HDAC8: variants seen among roughly 807,000 people sequenced by gnomAD.
HDAC8 encodes the protein histone deacetylase-like 1.
In HDAC8, 1 loss-of-function variant was observed where a neutral mutation model predicts 32.2. The observed-to-expected ratio is 0.03, with a 90% CI of 0.01 to 0.15. HDAC8 has a LOEUF of 0.15. Ranked by LOEUF, HDAC8 falls within the 10% of genes least tolerant of loss-of-function variation. The pLI is 1.00. For synonymous variants in HDAC8, 108 were observed against 113.9 expected (o/e 0.95, Z 0.33); for missense variants, 117 against 300.0 (o/e 0.39, Z 4.51).
chrX:72,364,501 T>C (rs2044643021), intron 9 of HDAC8, among the ~76,000 whole-genome samples: 1 of 111,996 alleles, frequency 8.9e-6, no homozygotes, highest in Non-Finnish European at 1.9e-5. Context: ...GCATAATGTG[T>C]TCCAAGTAGA....
intron 4 of HDAC8, among the ~76,000 whole-genome samples, chrX:72,549,667 T>C (rs1245851266): frequency 8.9e-6 from 1 of 111,852 alleles, no homozygotes; most frequent in Non-Finnish European, 1.9e-5. Context: ...CACATGAATC[T>C]TCACCCCATA....
chrX:72,405,867 G>A (rs1230480817), intron 9 of HDAC8, among the ~76,000 whole-genome samples: 7 of 111,542 alleles, frequency 6.3e-5, no homozygotes, highest in Non-Finnish European at 1.3e-4. Context: ...GTCAATTACT[G>A]TATTTTTCAT....
At chrX:72,447,365 A>G (rs1335458699) in intron 9 of HDAC8, among the ~76,000 whole-genome samples, 5 of 112,259 alleles carry the variant, frequency 4.5e-5, no homozygotes, top group Non-Finnish European at 7.5e-5. Context: ...GATGCAGAAA[A>G]GGCCTCTGAT....
At chrX:72,537,559 A>G (rs1221563260) in intron 4 of HDAC8, among the ~76,000 whole-genome samples, 1 of 112,049 alleles carries the variant, frequency 8.9e-6, no homozygotes, top group African/African-American at 3.2e-5. Context: ...TATCCCTCTT[A>G]TAGTAAATCC....
chrX:72,505,398 T>A (rs2049358571), intron 4 of HDAC8, among the ~76,000 whole-genome samples: 1 of 112,070 alleles, frequency 8.9e-6, no homozygotes, highest in Non-Finnish European at 1.9e-5. Context: ...GCCTCATCTA[T>A]GGCACACCAC....
intron 9 of HDAC8, among the ~76,000 whole-genome samples, chrX:72,409,155 T>C (rs1160155016): frequency 8.9e-6 from 1 of 112,420 alleles, no homozygotes; most frequent in Non-Finnish European, 1.9e-5. Flanking sequence ...TCTGTCCCAG[T>C]TAATGGTATC....
chrX:72,364,227 A>G (rs1313631732), intron 9 of HDAC8, among the ~76,000 whole-genome samples: 2 of 110,712 alleles, frequency 1.8e-5, no homozygotes, highest in Non-Finnish European at 3.8e-5. Context: ...TCTCATAACC[A>G]CTGCTCTCCC....
intron 9 of HDAC8, among the ~76,000 whole-genome samples, chrX:72,442,452 G>A (rs1555982398): frequency 9.0e-6 from 1 of 111,323 alleles, no homozygotes; most frequent in Non-Finnish European, 1.9e-5. Flanking sequence ...ATAAGTGAAG[G>A]AGAAACAAAA....
chrX:72,360,093 A>T (rs916238996), intron 9 of HDAC8, among the ~76,000 whole-genome samples: 1 of 107,642 alleles, frequency 9.3e-6, no homozygotes, highest in Admixed American at 9.9e-5. Flanking sequence ...GTGGTGGCTC[A>T]CGCCTGTAAT....
At chrX:72,406,863 G>A (rs1185964648) in intron 9 of HDAC8, among the ~76,000 whole-genome samples, 1 of 111,980 alleles carries the variant, frequency 8.9e-6, no homozygotes, top group Non-Finnish European at 1.9e-5. Context: ...CTACTGTATT[G>A]GACAGTGTAG....
At chrX:72,420,594 T>C (rs1260224321) in intron 9 of HDAC8, among the ~76,000 whole-genome samples, 2 of 112,212 alleles carry the variant, frequency 1.8e-5, no homozygotes, top group African/African-American at 3.2e-5. Context: ...GTACCTATTA[T>C]TGTACAACTA....
intron 9 of HDAC8, among the ~76,000 whole-genome samples, chrX:72,438,932 G>T (rs1555980520): frequency 3.6e-5 from 4 of 111,633 alleles, no homozygotes; most frequent in Non-Finnish European, 5.6e-5. Flanking sequence ...TAGCAAGACA[G>T]GCCAACATTC....
intron 4 of HDAC8, among the ~76,000 whole-genome samples, chrX:72,510,759 A>C (rs1556021536): frequency 1.8e-5 from 2 of 111,861 alleles, no homozygotes; most frequent in Non-Finnish European, 3.8e-5. Flanking sequence ...TTGGACATGC[A>C]AGGTCACATT....
chrX:72,439,184 C>G (rs2147971816), intron 9 of HDAC8, among the ~76,000 whole-genome samples: 1 of 111,875 alleles, frequency 8.9e-6, no homozygotes, highest in African/African-American at 3.2e-5. Flanking sequence ...AAAGAATTTT[C>G]AACCCAGAAT....
intron 4 of HDAC8, among the ~76,000 whole-genome samples, chrX:72,530,695 A>G (rs1205979296): frequency 2.7e-5 from 3 of 111,192 alleles, no homozygotes; most frequent in African/African-American, 6.5e-5. Flanking sequence ...CTGTCTGTCT[A>G]TCTACCTACC....
At position 72,529,975 on chromosome X, in the gene HDAC8, C is replaced by A. The variant is rs1275432747; in HGVS notation, c.438-34707G>T. Among the ~76,000 whole-genome samples the A allele has an allele frequency of 8.0e-5, 9 of 112,157 alleles. No individual in the cohort carries two copies. In the Admixed American group the frequency reaches 8.5e-4, roughly 11 times the overall value. The stretch of plus-strand genomic sequence containing the variant: ...TAACATGTGCTTTCTTCTCCTTTGT[C>A]CCTCTGCCAAGACTGTAAGTTTTCT... On this transcript the variant is annotated intron_variant, in intron 4 of 10. Transcript: ENST00000373573.
chrX:72,352,099 C>T (rs1327864784), intron 9 of HDAC8, among the ~76,000 whole-genome samples: 2 of 111,715 alleles, frequency 1.8e-5, no homozygotes, highest in Non-Finnish European at 3.8e-5. Context: ...CTTTTCTCTC[C>T]AACTTCAGCT....
In HDAC8 at chrX:72,383,388, T is replaced by C. The variant is rs145613375; in HGVS notation, c.1006-31550A>G. Among the ~76,000 whole-genome samples the C allele has an allele frequency of 7.1e-4, 80 of 112,418 alleles. 1 individual carries two copies. The East Asian group carries it at 0.018, about 25-fold the overall frequency. On this transcript the variant is annotated intron_variant, in intron 9 of 10. Transcript: ENST00000373573. ...TTCTATACCTGAGGTATAAACTATA[T>C]TGGATAATTTACACTAATAGTAAAG... is the stretch of plus-strand genomic sequence containing the variant.
intron 9 of HDAC8, among the ~76,000 whole-genome samples, chrX:72,431,114 A>G (rs782106638): frequency 2.7e-5 from 3 of 110,425 alleles, no homozygotes; most frequent in African/African-American, 9.9e-5. Context: ...TGGCCTCACA[A>G]CCAGCCTAGA....
Sources: allele counts gnomAD v4.1 joint callset (sites outside exome capture counted in the v4.1 genomes callset), GRCh38; gene constraint gnomAD v4.1.1; transcripts MANE v1.5; gene names NCBI Gene and HGNC (gene_info 2026-07-23, HGNC 2026-07-21).